Variants in LDB3 observed in about 807,000 individuals in gnomAD.
The protein encoded by LDB3 is LIM domain-binding protein 3.
In LDB3, 49 loss-of-function variants were observed where a neutral mutation model predicts 69.0. The observed-to-expected ratio is 0.71, with a 90% confidence interval of 0.56 to 0.90. LDB3 has a LOEUF of 0.90. Among genes scored for constraint, LDB3 ranks in the 40% least tolerant of loss-of-function variants. The pLI is 0.00. For missense variants in LDB3, 928 were observed against 974.1 expected (o/e 0.95, Z 0.63); for synonymous variants, 387 against 396.2 (o/e 0.98, Z 0.28).
chr10:86,691,416 T>C (rs762213112), intron 5 of LDB3, among the ~76,000 whole-genome samples: 1 of 152,138 alleles, frequency 6.6e-6, no homozygotes, highest in South Asian at 2.1e-4. Flanking sequence ...CCCCAGTCCT[T>C]TTCCAGGGCA....
At chr10:86,687,169 A>G in intron 5 of LDB3, 3 of 1,614,216 alleles carry the variant, frequency 1.9e-6, no homozygotes, top group Non-Finnish European at 1.7e-6. Flanking sequence ...CAAGGCCACC[A>G]TCATCCATGC....
At chr10:86,692,942 C>T (rs937453709) in intron 7 of LDB3, among the ~76,000 whole-genome samples, 35 of 152,332 alleles carry the variant, frequency 2.3e-4, no homozygotes, top group African/African-American at 7.9e-4. Flanking sequence ...GGGCCTGTCC[C>T]CCTATGATTC....
chr10:86,727,377 G>A (rs1847291359), intron 13 of LDB3, among the ~76,000 whole-genome samples: 1 of 151,976 alleles, frequency 6.6e-6, no homozygotes, highest in African/African-American at 2.4e-5. Context: ...AGTGTCTCAA[G>A]GTAAATTTTG....
At chr10:86,715,343 A>G (rs979426941) in intron 9 of LDB3, among the ~76,000 whole-genome samples, 14 of 152,094 alleles carry the variant, frequency 9.2e-5, no homozygotes, top group Non-Finnish European at 2.1e-4. Flanking sequence ...AACCTCACTC[A>G]CTGGAAGAGG....
At chr10:86,683,107 C>T (rs1845255986) in intron 5 of LDB3, among the ~76,000 whole-genome samples, 1 of 152,190 alleles carries the variant, frequency 6.6e-6, no homozygotes, top group Non-Finnish European at 1.5e-5. Context: ...CCTCCTTGTC[C>T]CGCATTTGTT....
At chr10:86,703,442 C>A (rs1233386697) in intron 7 of LDB3, among the ~76,000 whole-genome samples, 2 of 152,232 alleles carry the variant, frequency 1.3e-5, no homozygotes, top group Non-Finnish European at 2.9e-5. Flanking sequence ...TGCAGGCCTG[C>A]AAGCTGGGCT....
At chr10:86,698,410 C>G (rs1391380249) in intron 7 of LDB3, among the ~76,000 whole-genome samples, 1 of 152,226 alleles carries the variant, frequency 6.6e-6, no homozygotes, top group Non-Finnish European at 1.5e-5. Flanking sequence ...CAGTGGGCAC[C>G]TCTGGTCTGG....
At chr10:86,691,258 G>A (rs1042465949) in intron 5 of LDB3, among the ~76,000 whole-genome samples, 7 of 152,250 alleles carry the variant, frequency 4.6e-5, no homozygotes, top group Non-Finnish European at 8.8e-5. Flanking sequence ...CTCTGGGACA[G>A]AGGACCAGTG....
chr10:86,732,843 C>T (rs755674592), intron 13 of LDB3, 44 bp from the exon 14 acceptor site: 2 of 1,487,852 alleles, frequency 1.3e-6, no homozygotes, highest in Non-Finnish European at 1.9e-6. Flanking sequence ...TCTGCTCATG[C>T]CCTGTGCCAC....
intron 13 of LDB3, among the ~76,000 whole-genome samples, chr10:86,728,884 C>G (rs1324625582): frequency 6.6e-6 from 1 of 151,834 alleles, no homozygotes; most frequent in African/African-American, 2.4e-5. Flanking sequence ...CCAGCCGGAA[C>G]ATGGTCTTAA....
intron 7 of LDB3, among the ~76,000 whole-genome samples, chr10:86,705,489 T>C (rs2132455828): frequency 6.6e-6 from 1 of 152,378 alleles, no homozygotes; most frequent in South Asian, 2.1e-4. Context: ...TTAATTTTTA[T>C]TCTCTGCCCA....
chr10:86,735,772 T>A lies in LDB3; in HGVS notation c.*2796T>A, dbSNP rs1471639893. Reference sequence around the variant, plus strand: ...CCAGCCTGGGCAACAGGAGCGAAACTCCGTTGCAAAAAAAAAAAAAAAAAA... The same window carrying A: ...CCAGCCTGGGCAACAGGAGCGAAACACCGTTGCAAAAAAAAAAAAAAAAAA... On this transcript the variant is annotated 3_prime_UTR_variant, in exon 14 of 14. Coordinates refer to ENST00000361373, the MANE Select transcript of LDB3 (RefSeq NM_007078.3). 9.6e-6 allele frequency: 1 copy of A among 104,552 alleles called. No individual in the cohort carries two copies. The highest frequency in any genetic ancestry group is 1.8e-5 in the Non-Finnish European group (1 of 54,480). The allele number at this position is 104,552 out of a possible 1,614,324, so 6.5% of individuals were successfully genotyped here.
In LDB3 at chr10:86,734,454, A is replaced by G. The variant is rs1239148088; in HGVS notation, c.*1478A>G. On this transcript the variant is annotated 3_prime_UTR_variant, in exon 14 of 14. Transcript: ENST00000361373. ...GGCATTGAAGCAGGCACTTGCGTGG[A>G]TGTTTCTCACTTGAGCACGATATTT... 6.6e-6 allele frequency: 1 copy of G among 152,224 alleles called. No homozygotes were observed. Among genetic ancestry groups the G allele is most frequent in the Non-Finnish European group, 1.5e-5 (1 of 68,044 alleles). 9.4% of individuals were successfully genotyped at this position (152,224 alleles called of 1,614,324 possible). A position where few individuals can be genotyped will look rare whatever the true frequency, so the allele number is the denominator to read the frequency against.
At chr10:86,698,823 T>C (rs894022505) in intron 7 of LDB3, among the ~76,000 whole-genome samples, 3 of 152,152 alleles carry the variant, frequency 2.0e-5, no homozygotes, top group Non-Finnish European at 2.9e-5. Context: ...TAGGTGCTCC[T>C]TCTTCTTGAT....
In LDB3 at chr10:86,699,739, C is replaced by G; in HGVS notation, c.897-6792C>G. The G allele has an allele frequency of 8.9e-7, 1 of 1,128,286 alleles. No homozygotes were observed. The highest frequency in any genetic ancestry group is 1.1e-6 in the Non-Finnish European group (1 of 912,778). The allele number at this position is 1,128,286 out of a possible 1,614,324, so 69.9% of individuals were successfully genotyped here. A position where few individuals can be genotyped will look rare whatever the true frequency, so the allele number is the denominator to read the frequency against. On this transcript the variant is annotated intron_variant, in intron 7 of 13. Coordinates refer to ENST00000361373, the MANE Select transcript of LDB3 (RefSeq NM_007078.3). The surrounding 1 kb of genome is among the most constrained non-coding windows in gnomAD (Gnocchi z 4.9). ...AAATGGATGGGCCGCTGCTCAGTTT[C>G]CCACCATCCTCAGCTCCTGGCCTCA...
In LDB3 at chr10:86,718,000, C is replaced by A; in HGVS notation, c.1713C>A (p.His571Gln). The change falls in exon 11 of 14, where the codon CAC becomes CAA. Residue 571 changes from histidine (H) to glutamine (Q), a missense_variant. His to Gln is a conservative substitution (Grantham distance 24). Transcript: ENST00000361373. ...TGGTAGCCATGGGCCGTTCTTGGCA[C>A]CCTGAAGAGTTCACCTGTGCCTACT... ...PFLVAMGRSW[H>Q]PEEFTCAYCK... The A allele has an allele frequency of 6.2e-7, 1 of 1,614,174 alleles. No individual in the cohort carries two copies. The highest frequency in any genetic ancestry group is 8.5e-7 in the Non-Finnish European group (1 of 1,180,030).
intron 5 of LDB3, among the ~76,000 whole-genome samples, chr10:86,690,599 T>C (rs1845710069): frequency 6.6e-6 from 1 of 152,180 alleles, no homozygotes; most frequent in African/African-American, 2.4e-5. Context: ...CAGGGACCAG[T>C]CCTGGGACAC....
intron 5 of LDB3, among the ~76,000 whole-genome samples, chr10:86,690,654 A>G (rs530159101): frequency 3.9e-5 from 6 of 152,362 alleles, no homozygotes; most frequent in East Asian, 3.9e-4. Flanking sequence ...GGTATAAGAC[A>G]TGGACAATGG....
intron 9 of LDB3, among the ~76,000 whole-genome samples, chr10:86,710,694 AG>A (rs903750704): frequency 2.0e-5 from 3 of 152,232 alleles, no homozygotes; most frequent in African/African-American, 4.8e-5. Flanking sequence ...GAGAAACCCC[AG>A]GGAAGTTTTC....
Sources: gnomAD v4.1 joint callset for allele counts (sites outside exome capture counted in the v4.1 genomes callset) on GRCh38, gnomAD v4.1.1 for gene constraint, Gnocchi (gnomAD v3.1) non-coding constraint, MANE v1.5 for transcripts, NCBI Gene and HGNC (gene_info 2026-07-23, HGNC 2026-07-21) for gene names.